TASP1: variants seen among roughly 807,000 people sequenced by gnomAD.
The protein encoded by TASP1 is taspase 1.
TASP1 carries 16 observed loss-of-function variants against 56.6 expected under a neutral mutation model. The ratio of observed to expected loss-of-function variants is 0.28; its 90% CI spans 0.19 to 0.43. The LOEUF is 0.43. TASP1 is among the 20% of genes least tolerant of loss of function. The pLI is 1.00. For missense variants in TASP1, 393 were observed against 511.6 expected, an observed-to-expected ratio of 0.77 and a Z score of 2.24; for synonymous variants, 179 against 184.2, an observed-to-expected ratio of 0.97 and a Z score of 0.23.
chr20:13,468,965 G>GTT (rs2044369962), intron 11 of TASP1, among the ~76,000 whole-genome samples: 1 of 151,026 alleles, frequency 6.6e-6, no homozygotes, highest in South Asian at 2.1e-4. Flanking sequence ...AATACCAATT[G>GTT]TGAATAGTTC....
intron 4 of TASP1, among the ~76,000 whole-genome samples, chr20:13,605,891 C>A (rs2048129871): frequency 6.6e-6 from 1 of 152,056 alleles, no homozygotes; most frequent in South Asian, 2.1e-4. Context: ...AATCCAAAGT[C>A]CTAATTTTCA....
chr20:13,600,680 G>T (rs1482780201), intron 4 of TASP1: 3 of 151,800 alleles, frequency 2.0e-5, no homozygotes, highest in African/African-American at 7.3e-5. Context: ...TTCTTACACA[G>T]AAAAACATAT....
chr20:13,403,460 C>T (rs900213854), intron 13 of TASP1, among the ~76,000 whole-genome samples: 1 of 152,156 alleles, frequency 6.6e-6, no homozygotes, highest in African/African-American at 2.4e-5. Flanking sequence ...ACTACTGCTG[C>T]CACCACCACC....
the TASP1 span, among the ~76,000 whole-genome samples, chr20:13,112,605 G>C: frequency 2.0e-5 from 3 of 152,132 alleles, no homozygotes; most frequent in Non-Finnish European, 2.9e-5. Context: ...CAATCAACCT[G>C]GTGATGACAC....
At chr20:13,164,996 C>A in the TASP1 span, 1 of 661,470 alleles carries the variant, frequency 1.5e-6, no homozygotes, top group Non-Finnish European at 2.5e-6. Context: ...CTTGATTGAA[C>A]TGAGGGAGAC....
At chr20:13,233,164 AT>A in the TASP1 span, among the ~76,000 whole-genome samples, 6 of 152,188 alleles carry the variant, frequency 3.9e-5, no homozygotes, top group Non-Finnish European at 8.8e-5. Flanking sequence ...CCAGAAATAG[AT>A]TTCGTATCTC....
chr20:13,606,077 G>A (rs2048137955), intron 4 of TASP1, among the ~76,000 whole-genome samples: 1 of 152,048 alleles, frequency 6.6e-6, no homozygotes, highest in South Asian at 2.1e-4. Flanking sequence ...GCTGAGTTTG[G>A]TGAGAGATTT....
rs190166064 is a variant in TASP1, at chr20:13,472,969, G to T, written c.985+10258C>A. Among the ~76,000 whole-genome samples, 518 of 152,146 alleles carry T rather than the reference G, an allele frequency of 3.4e-3. 2 individuals are homozygous for T. The highest frequency in any genetic ancestry group is 5.7e-3 in the Non-Finnish European group (390 of 68,004). On this transcript the variant is annotated intron_variant, in intron 11 of 13. Coordinates refer to ENST00000337743, the MANE Select transcript of TASP1 (RefSeq NM_017714.3). ...AGAACTAGAAAGACCATTTGACCCA[G>T]CCATCCCATTACTGGGTATATAAAC...
intron 6 of TASP1, among the ~76,000 whole-genome samples, chr20:13,575,852 G>C (rs2046885680): frequency 1.3e-5 from 2 of 152,034 alleles, no homozygotes; most frequent in African/African-American, 2.4e-5. Flanking sequence ...AAAAAAATTA[G>C]TTAAAAGAAT....
intron 13 of TASP1, among the ~76,000 whole-genome samples, chr20:13,399,038 A>G (rs2041645515): frequency 6.6e-6 from 1 of 152,188 alleles, no homozygotes; most frequent in Admixed American, 6.5e-5. Flanking sequence ...CCTGTCCTCA[A>G]ATCTAATTTC....
At chr20:13,387,173 G>C (rs1474723560), downstream of TASP1, among the ~76,000 whole-genome samples, 1 of 144,738 alleles carries the variant, frequency 6.9e-6, no homozygotes, top group Non-Finnish European at 1.5e-5. Flanking sequence ...TGCCAGAGAG[G>C]ACATGATTTC....
At chr20:13,477,089 T>C (rs1169518511) in intron 11 of TASP1, among the ~76,000 whole-genome samples, 2 of 152,096 alleles carry the variant, frequency 1.3e-5, no homozygotes, top group African/African-American at 4.8e-5. Flanking sequence ...AAATGTGTAA[T>C]TACAGGGTAC....
the TASP1 span, among the ~76,000 whole-genome samples, chr20:13,330,467 G>C: frequency 6.6e-6 from 1 of 152,060 alleles, no homozygotes; most frequent in South Asian, 2.1e-4. Flanking sequence ...AGAGATATTA[G>C]TCTGTAGTTT....
the TASP1 span, chr20:13,160,131 C>T: frequency 4.5e-5 from 72 of 1,613,666 alleles, 1 homozygote; most frequent in Admixed American, 7.0e-4. Context: ...ATGTTAGACA[C>T]GGTGAGTACA....
At chr20:13,192,988 C>T in the TASP1 span, among the ~76,000 whole-genome samples, 2 of 152,146 alleles carry the variant, frequency 1.3e-5, no homozygotes, top group African/African-American at 2.4e-5. Flanking sequence ...TTCAATGACA[C>T]CTGTACTTCA....
At chr20:13,476,915 G>A (rs528301827) in intron 11 of TASP1, among the ~76,000 whole-genome samples, 2 of 152,170 alleles carry the variant, frequency 1.3e-5, no homozygotes, top group East Asian at 1.9e-4. Flanking sequence ...TCAAGCTCCA[G>A]ATGGCTACAA....
intron 10 of TASP1, among the ~76,000 whole-genome samples, chr20:13,510,395 T>C (rs1390005133): frequency 2.9e-4 from 44 of 152,196 alleles, no homozygotes; most frequent in Admixed American, 2.8e-3. Flanking sequence ...CAGATTCCAC[T>C]TCTTCTACTC....
chr20:13,336,130 A>G, the TASP1 span, among the ~76,000 whole-genome samples: 1 of 152,178 alleles, frequency 6.6e-6, no homozygotes, highest in African/African-American at 2.4e-5. Flanking sequence ...GCTTCTCAAT[A>G]ACAGTAAGTT....
At chr20:13,344,475 G>A in the TASP1 span, among the ~76,000 whole-genome samples, 5 of 152,250 alleles carry the variant, frequency 3.3e-5, no homozygotes, top group East Asian at 9.7e-4. Context: ...TAGGGAGAGA[G>A]ACTCTTCATG....
Sources: gnomAD v4.1 joint callset for allele counts (sites outside exome capture counted in the v4.1 genomes callset) on GRCh38, gnomAD v4.1.1 for gene constraint, MANE v1.5 for transcripts, NCBI Gene and HGNC (gene_info 2026-07-23, HGNC 2026-07-21) for gene names.